The following SLC22A23 variants were observed in gnomAD, a reference collection of about 807,000 sequenced individuals.
SLC22A23 encodes the protein ion transporter protein.
SLC22A23 carries 26 observed loss-of-function variants against 61.0 expected under a neutral mutation model. That is an observed-to-expected ratio of 0.43 (90% confidence interval 0.31 to 0.59). The LOEUF (loss-of-function observed/expected upper bound fraction) is 0.59, where lower values mean the gene tolerates loss of function less well. Ranked by LOEUF, SLC22A23 falls within the 20% of genes least tolerant of loss-of-function variation. The probability of loss-of-function intolerance (pLI) is 0.11; values close to 1 mark genes in which losing one functional copy is unlikely to be tolerated. For synonymous variants in SLC22A23, 430 were observed against 413.9 expected (o/e 1.04, Z -0.47); for missense variants, 796 against 934.7 (o/e 0.85, Z 1.94).
chr6:3,347,738 TAA>T (rs776390822), intron 3 of SLC22A23, among the ~76,000 whole-genome samples: 4 of 152,208 alleles, frequency 2.6e-5, no homozygotes, highest in Non-Finnish European at 5.9e-5. Flanking sequence ...TTGAATTTTT[TAA>T]AAGTCTGATA....
intron 1 of SLC22A23, among the ~76,000 whole-genome samples, chr6:3,440,256 G>T (rs1445830587): frequency 6.6e-6 from 1 of 152,178 alleles, no homozygotes; most frequent in Non-Finnish European, 1.5e-5. Context: ...GCTGTCATGA[G>T]CTGTACTGTC....
chr6:3,415,353 C>T lies in SLC22A23; in HGVS notation c.758+399G>A, dbSNP rs73720876. Among the ~76,000 whole-genome samples, 900 of 152,248 alleles carry T rather than the reference C, an allele frequency of 5.9e-3. 8 individuals carry two copies. The highest frequency in any genetic ancestry group is 0.021 in the African/African-American group (855 of 41,536). On this transcript the variant is annotated intron_variant, in intron 2 of 9. Coordinates refer to ENST00000406686, the MANE Select transcript of SLC22A23 (RefSeq NM_015482.2). ...TCAGCATTGCCTGACTCATTCAGCT[C>T]GCATGGGGGAAGGGTCTTTAGCTTC...
intron 2 of SLC22A23, among the ~76,000 whole-genome samples, chr6:3,413,415 G>A (rs1769414549): frequency 6.6e-6 from 1 of 152,220 alleles, no homozygotes; most frequent in East Asian, 1.9e-4. Flanking sequence ...TGGCGGGCAA[G>A]GGGTCCTCTG....
chr6:3,315,584 G>A (rs938619085), intron 4 of SLC22A23, among the ~76,000 whole-genome samples: 40 of 152,106 alleles, frequency 2.6e-4, no homozygotes, highest in African/African-American at 9.7e-4. Context: ...GTGTGTGTTC[G>A]GCTGGGCATG....
At chr6:3,319,516 TC>T (rs1414301167) in intron 4 of SLC22A23, among the ~76,000 whole-genome samples, 3 of 152,200 alleles carry the variant, frequency 2.0e-5, no homozygotes, top group Non-Finnish European at 2.9e-5. Context: ...CAATGTGCTT[TC>T]AGGAGATCGG....
intron 1 of SLC22A23, chr6:3,431,946 T>G (rs1390773374): frequency 6.6e-6 from 1 of 152,514 alleles, no homozygotes; most frequent in African/African-American, 2.4e-5. Flanking sequence ...GTTACATGAC[T>G]GTCCTCTGAG....
intron 4 of SLC22A23, 61 bp downstream of exon 4, chr6:3,323,773 C>T (rs1469742092): frequency 8.4e-6 from 13 of 1,538,706 alleles, no homozygotes; most frequent in Admixed American, 3.9e-5. Context: ...TGCCCGGGGC[C>T]GGGCCTTCAG....
At chr6:3,321,439 T>A (rs1490000137) in intron 4 of SLC22A23, among the ~76,000 whole-genome samples, 1 of 152,230 alleles carries the variant, frequency 6.6e-6, no homozygotes, top group Non-Finnish European at 1.5e-5. Flanking sequence ...CTTCTGCAAG[T>A]CCCTGGATGT....
intron 3 of SLC22A23, among the ~76,000 whole-genome samples, chr6:3,338,330 C>A (rs1763970014): frequency 6.6e-6 from 1 of 152,150 alleles, no homozygotes; most frequent in East Asian, 1.9e-4. Context: ...GTTAATCTGC[C>A]TTTATTTCTT....
chr6:3,335,304 T>C (rs1016024833), intron 3 of SLC22A23, among the ~76,000 whole-genome samples: 5 of 152,180 alleles, frequency 3.3e-5, no homozygotes, highest in African/African-American at 1.2e-4. Flanking sequence ...TAACACCCCA[T>C]GCCATCTTGC....
In SLC22A23 at chr6:3,427,127, G is replaced by A. The variant is rs1770547823; in HGVS notation, c.655-11272C>T. Among the ~76,000 whole-genome samples the A allele has an allele frequency of 6.6e-6, 1 of 152,206 alleles. No homozygotes were observed. Among genetic ancestry groups the A allele is most frequent in the Non-Finnish European group, 1.5e-5 (1 of 68,048 alleles). ...TTCTAGTTTCGCCCCGCGGTCATCA[G>A]GGCAAGCTTTTTCACCGTGTGGGGG... On this transcript the variant is annotated intron_variant, in intron 1 of 9. Transcript: ENST00000406686. The surrounding 1 kb of genome is among the most constrained non-coding windows in gnomAD (Gnocchi z 4.3).
chr6:3,292,977 G>A (rs1186046343), intron 5 of SLC22A23, among the ~76,000 whole-genome samples: 2 of 152,206 alleles, frequency 1.3e-5, no homozygotes, highest in Non-Finnish European at 2.9e-5. Context: ...AGGAGGGCAC[G>A]GCCTCTCCAC....
At chr6:3,371,485 G>A (rs1168966466) in intron 3 of SLC22A23, among the ~76,000 whole-genome samples, 3 of 152,026 alleles carry the variant, frequency 2.0e-5, no homozygotes, top group Admixed American at 2.0e-4. Flanking sequence ...GCTTGCAGGC[G>A]GCTATGAAAA....
Position 3,270,357 on chromosome 6 carries a change from G to C in SLC22A23, c.*2698C>G, listed in dbSNP as rs1243438986. ...CGGGCCCAGATGCGTATCAGGCTTG[G>C]GTGGGTCCTGCCACCTTGCTCACTT... On this transcript the variant is annotated 3_prime_UTR_variant, in exon 10 of 10. Transcript: ENST00000406686. 6.6e-6 allele frequency: 1 copy of C among 152,430 alleles called. No homozygotes were observed. Among genetic ancestry groups the C allele is most frequent in the Non-Finnish European group, 1.5e-5 (1 of 68,094 alleles). The allele number at this position is 152,430 out of a possible 1,614,324, so 9.4% of individuals were successfully genotyped here. A position where few individuals can be genotyped will look rare whatever the true frequency, so the allele number is the denominator to read the frequency against.
At chr6:3,433,743 A>G (rs1226274925) in intron 1 of SLC22A23, among the ~76,000 whole-genome samples, 1 of 152,150 alleles carries the variant, frequency 6.6e-6, no homozygotes, top group Non-Finnish European at 1.5e-5. Context: ...ACAACTATCA[A>G]TGTGCACAGT....
intron 9 of SLC22A23, among the ~76,000 whole-genome samples, chr6:3,280,077 T>C (rs545535711): frequency 6.6e-6 from 1 of 152,316 alleles, no homozygotes; most frequent in Non-Finnish European, 1.5e-5. Flanking sequence ...TCTGTGAAGT[T>C]GAGGATAAGC....
chr6:3,319,251 G>A (rs1163542513), intron 4 of SLC22A23, among the ~76,000 whole-genome samples: 1 of 152,162 alleles, frequency 6.6e-6, no homozygotes, highest in Non-Finnish European at 1.5e-5. Flanking sequence ...CTCCAGCCCT[G>A]CTGACCTTCC....
rs914814881 is a variant in SLC22A23, at chr6:3,289,629, C to T, written c.1313+135G>A. ...CGGGGGAGGTCAATATCTTCTAGCC[C>T]GTGTCACTCTTCACACACACACCCT... On this transcript the variant is annotated intron_variant, in intron 6 of 9. Transcript: ENST00000406686. The T allele has an allele frequency of 2.3e-4, 165 of 703,942 alleles. 1 individual carries two copies. The highest frequency in any genetic ancestry group is 3.4e-4 in the Non-Finnish European group (146 of 425,536). The allele number at this position is 703,942 out of a possible 1,614,324, so 43.6% of individuals were successfully genotyped here.
intron 4 of SLC22A23, chr6:3,313,444 G>A (rs1159778361): frequency 1.3e-5 from 2 of 152,124 alleles, no homozygotes; most frequent in Non-Finnish European, 2.9e-5. Context: ...CAAGCTCCCG[G>A]AGACTGCATG....
Sources: gnomAD v4.1 joint callset for allele counts (sites outside exome capture counted in the v4.1 genomes callset) on GRCh38, gnomAD v4.1.1 for gene constraint, Gnocchi (gnomAD v3.1) non-coding constraint, MANE v1.5 for transcripts, NCBI Gene and HGNC (gene_info 2026-07-23, HGNC 2026-07-21) for gene names.